The following RNF128 variants were observed in gnomAD, a reference collection of about 807,000 sequenced individuals.
The protein encoded by RNF128 is E3 ubiquitin-protein ligase RNF128.
A neutral mutation model predicts 26.2 loss-of-function variants in RNF128; 13 were observed. The observed-to-expected ratio is 0.50, with a 90% CI of 0.32 to 0.79. RNF128 has a LOEUF of 0.79. Among genes scored for constraint, RNF128 ranks in the 30% least tolerant of loss-of-function variants. The pLI, the probability that RNF128 is intolerant of heterozygous loss-of-function variation, is 0.03. For missense variants in RNF128, 315 were observed against 349.7 expected, an observed-to-expected ratio of 0.90 and a Z score of 0.79; for synonymous variants, 149 against 142.5, an observed-to-expected ratio of 1.05 and a Z score of -0.32.
chrX:106,699,075 C>T (rs1374094105), intron 1 of RNF128, among the ~76,000 whole-genome samples: 2 of 111,849 alleles, frequency 1.8e-5, no homozygotes, highest in Non-Finnish European at 3.8e-5. Flanking sequence ...ACTTTTTCAC[C>T]TCTGCTGCCT....
At chrX:106,775,870 G>A (rs1229609330) in intron 2 of RNF128, among the ~76,000 whole-genome samples, 1 of 111,483 alleles carries the variant, frequency 9.0e-6, no homozygotes, top group East Asian at 2.8e-4. Flanking sequence ...CCTTCTGAAG[G>A]TTATGATACA....
intron 1 of RNF128, among the ~76,000 whole-genome samples, chrX:106,733,570 AACT>A (rs1233081173): frequency 3.2e-4 from 36 of 112,155 alleles, no homozygotes; most frequent in African/African-American, 1.1e-3. Context: ...ACATAGGCAT[AACT>A]TTGTATTCTA....
At chrX:106,768,719 C>A (rs1401461008) in intron 1 of RNF128, among the ~76,000 whole-genome samples, 1 of 111,251 alleles carries the variant, frequency 9.0e-6, no homozygotes, top group African/African-American at 3.3e-5. Context: ...ATCTCCTTCT[C>A]TTCTGCTCTG....
chrX:106,791,664 T>C (rs753904937), intron 6 of RNF128, among the ~76,000 whole-genome samples: 3 of 111,492 alleles, frequency 2.7e-5, no homozygotes, highest in Admixed American at 9.6e-5. Flanking sequence ...GGAACCCATG[T>C]TTTGCAAGTA....
chrX:106,740,198 C>T (rs1929678936), intron 1 of RNF128, among the ~76,000 whole-genome samples: 1 of 111,596 alleles, frequency 9.0e-6, no homozygotes, highest in Non-Finnish European at 1.9e-5. Context: ...CCAGGGACCT[C>T]ACATTTTTAG....
intron 1 of RNF128, among the ~76,000 whole-genome samples, chrX:106,766,246 A>G (rs768283040): frequency 6.1e-4 from 68 of 111,806 alleles, no homozygotes; most frequent in Admixed American, 2.1e-3. Context: ...TGGGATGGCT[A>G]GATCAAATGG....
At chrX:106,710,642 G>T (rs1379962178) in intron 1 of RNF128, among the ~76,000 whole-genome samples, 2 of 106,374 alleles carry the variant, frequency 1.9e-5, no homozygotes, top group Non-Finnish European at 1.9e-5. Flanking sequence ...CTGTAATCCC[G>T]TCTACTGGGG....
chrX:106,747,302 G>A (rs1188378091), intron 1 of RNF128, among the ~76,000 whole-genome samples: 1 of 111,887 alleles, frequency 8.9e-6, no homozygotes, highest in African/African-American at 3.2e-5. Flanking sequence ...TGAAAAGACA[G>A]CTGTTCTGTG....
At position 106,694,236 on chromosome X, in the gene RNF128, TGACCACAACACTGAGTTTAGTAATACTAA is replaced by T. The variant is rs750302145; in HGVS notation, c.237_265del (p.Asp79GlufsTer11). ...CTAAGAACAATAACTACCAAGCTTG[TGACCACAACACTGAGTTTAGTAATACTAA>T]GAAGCCCTGGATTGCGCTGATAGAA... On this transcript the variant is annotated frameshift_variant, in exon 1 of 7. Transcript: ENST00000324342. LOFTEE classifies it high-confidence loss of function. 59 of 1,208,685 alleles carry T rather than the reference TGACCACAACACTGAGTTTAGTAATACTAA, an allele frequency of 4.9e-5. No individual in the cohort carries two copies. The highest frequency in any genetic ancestry group is 6.0e-5 in the Non-Finnish European group (54 of 894,578).
chrX:106,749,348 G>T (rs188447263), intron 1 of RNF128, among the ~76,000 whole-genome samples: 1 of 111,762 alleles, frequency 8.9e-6, no homozygotes, highest in African/African-American at 3.3e-5. Flanking sequence ...ATTCGCTGGC[G>T]CATTATAAGA....
chrX:106,790,347 A>C (rs1323500085), intron 5 of RNF128, 65 bp downstream of exon 5: 4 of 778,379 alleles, frequency 5.1e-6, no homozygotes, highest in Non-Finnish European at 7.8e-6. Flanking sequence ...ATAACAAAAT[A>C]ACATCCTTAT....
intron 2 of RNF128, among the ~76,000 whole-genome samples, chrX:106,779,074 G>A (rs1485486063): frequency 9.0e-6 from 1 of 111,466 alleles, no homozygotes; most frequent in East Asian, 2.8e-4. Context: ...AAGAAGAACA[G>A]ATTAAATCCT....
chrX:106,762,799 T>C (rs998739894), intron 1 of RNF128, among the ~76,000 whole-genome samples: 1 of 110,104 alleles, frequency 9.1e-6, no homozygotes, highest in South Asian at 4.0e-4. Flanking sequence ...CATGTTCTTA[T>C]GTATAAGTGG....
intron 1 of RNF128, among the ~76,000 whole-genome samples, chrX:106,736,289 A>C (rs1602372853): frequency 8.9e-6 from 1 of 111,922 alleles, no homozygotes; most frequent in East Asian, 2.8e-4. Context: ...CAGCTATATA[A>C]AATTCCACTA....
intron 6 of RNF128, among the ~76,000 whole-genome samples, chrX:106,792,394 C>T (rs972006978): frequency 9.1e-6 from 1 of 110,143 alleles, no homozygotes; most frequent in Admixed American, 9.8e-5. Flanking sequence ...AAAAGGTAAG[C>T]ACAACAGATT....
At chrX:106,794,298 T>C (rs1930878107) in intron 6 of RNF128, among the ~76,000 whole-genome samples, 1 of 111,692 alleles carries the variant, frequency 9.0e-6, no homozygotes, top group African/African-American at 3.2e-5. Flanking sequence ...TCTTTCAACT[T>C]TCTTACTTTC....
At chrX:106,726,247 C>A (rs1270306882), upstream of RNF128, among the ~76,000 whole-genome samples, 1 of 110,772 alleles carries the variant, frequency 9.0e-6, no homozygotes, top group Non-Finnish European at 1.9e-5. Context: ...GGTAACAGCG[C>A]GCTTTTCCTG....
chrX:106,735,024 A>G (rs924841724), intron 1 of RNF128, among the ~76,000 whole-genome samples: 7 of 112,103 alleles, frequency 6.2e-5, no homozygotes, highest in Non-Finnish European at 1.1e-4. Context: ...GTGGAACACA[A>G]GGGCTCTTTG....
intron 1 of RNF128, among the ~76,000 whole-genome samples, chrX:106,695,887 C>T (rs1431774138): frequency 9.0e-6 from 1 of 111,447 alleles, no homozygotes; most frequent in Non-Finnish European, 1.9e-5. Context: ...GTTTTCAAAA[C>T]TTTCTTTGCA....
Sources: allele counts gnomAD v4.1 joint callset (sites outside exome capture counted in the v4.1 genomes callset), GRCh38; gene constraint gnomAD v4.1.1; transcripts MANE v1.5; gene names NCBI Gene and HGNC (gene_info 2026-07-23, HGNC 2026-07-21).